RARRES1: variants seen among roughly 807,000 people sequenced by gnomAD.
The protein encoded by RARRES1 is retinoic acid receptor responder protein 1.
RARRES1 carries 34 observed loss-of-function variants against 30.6 expected under a neutral mutation model. That is an observed-to-expected ratio of 1.11 (90% CI 0.84 to 1.48). The LOEUF (loss-of-function observed/expected upper bound fraction) is 1.48. Among genes scored for constraint, RARRES1 ranks in the 40% most tolerant of loss-of-function variants. The pLI, the probability that RARRES1 is intolerant of heterozygous loss-of-function variation, is 0.00. For missense variants in RARRES1, 373 were observed against 386.5 expected, an observed-to-expected ratio of 0.97 and a Z score of 0.29; for synonymous variants, 153 against 155.5, an observed-to-expected ratio of 0.98 and a Z score of 0.12.
At chr3:158,698,074 C>T in intron 4 of RARRES1, 104 bp from the exon 5 acceptor site, 1 of 783,862 alleles carries the variant, frequency 1.3e-6, no homozygotes, top group Non-Finnish European at 2.0e-6. Flanking sequence ...TCTCCTACTG[C>T]CTTTTCGATT....
intron 3 of RARRES1, chr3:158,705,651 C>T (rs968629081): frequency 1.3e-5 from 2 of 152,206 alleles, no homozygotes; most frequent in African/African-American, 2.4e-5. Context: ...TGATATTCTT[C>T]ACCTTACCTT....
In RARRES1 at chr3:158,732,131, C is replaced by G; in HGVS notation, c.276+9G>C. The G allele has an allele frequency of 3.7e-6, 5 of 1,345,936 alleles. No homozygotes were observed. Among genetic ancestry groups the G allele is most frequent in the Non-Finnish European group, 4.7e-6 (5 of 1,056,356 alleles). 83.4% of individuals were successfully genotyped at this position (1,345,936 alleles called of 1,614,324 possible). A position where few individuals can be genotyped will look rare whatever the true frequency, so the allele number is the denominator to read the frequency against. ...AGGCGCGTGCCCCGGCGCGTCGCTC[C>G]GCACTCACCCACGCGCGGCCCTCCT... On this transcript the variant is annotated intron_variant, in intron 1 of 5. Transcript: ENST00000237696.
intron 1 of RARRES1, among the ~76,000 whole-genome samples, chr3:158,715,697 CT>C (rs1220798810): frequency 6.6e-6 from 1 of 152,184 alleles, no homozygotes; most frequent in Non-Finnish European, 1.5e-5. Flanking sequence ...ACACAAGAGA[CT>C]GACCCAAGTT....
chr3:158,710,154 C>A (rs1485571045), intron 3 of RARRES1, among the ~76,000 whole-genome samples: 1 of 152,076 alleles, frequency 6.6e-6, no homozygotes. Flanking sequence ...GTACCTCTTA[C>A]CTGGGGGTTC....
At chr3:158,729,386 CTTATT>C (rs900557278) in intron 1 of RARRES1, among the ~76,000 whole-genome samples, 11 of 151,794 alleles carry the variant, frequency 7.2e-5, no homozygotes, top group Non-Finnish European at 1.5e-4. Flanking sequence ...TGTCAAATAT[CTTATT>C]TTATTTTCAA....
rs749844083 is a variant in RARRES1 at position 158,732,281 on chromosome 3, G to A, written c.135C>T (p.Asp45=). The part of the protein sequence containing the change: ...AAPAGSGDPD[D]PGQPQDAGVP... Reference sequence around the variant, plus strand: ...CCCCAGCATCCTGAGGCTGCCCAGGGTCGTCGGGGTCCCCGGACCCCGCGG... The same window carrying A: ...CCCCAGCATCCTGAGGCTGCCCAGGATCGTCGGGGTCCCCGGACCCCGCGG... Residue 45 remains aspartate (D), a synonymous_variant, in exon 1 of 6, where the codon GAC becomes GAT. Transcript: ENST00000237696. 1.3e-4 allele frequency: 173 copies of A among 1,351,338 alleles called. 5 individuals carry two copies. In the South Asian group the frequency reaches 3.1e-3, roughly 24 times the overall value. The allele number at this position is 1,351,338 out of a possible 1,614,324, so 83.7% of individuals were successfully genotyped here. A position where few individuals can be genotyped will look rare whatever the true frequency, so the allele number is the denominator to read the frequency against.
At chr3:158,728,870 C>T (rs1203364887) in intron 1 of RARRES1, among the ~76,000 whole-genome samples, 1 of 152,132 alleles carries the variant, frequency 6.6e-6, no homozygotes, top group East Asian at 1.9e-4. Context: ...ATAATGGAGG[C>T]AGGAATTTCT....
intron 3 of RARRES1, among the ~76,000 whole-genome samples, chr3:158,705,475 T>C (rs1327833912): frequency 1.3e-5 from 2 of 152,188 alleles, no homozygotes; most frequent in Non-Finnish European, 2.9e-5. Context: ...GGGTCTTGCT[T>C]TATTGCCCAG....
At chr3:158,724,022 G>A (rs1727596469) in intron 1 of RARRES1, among the ~76,000 whole-genome samples, 1 of 152,208 alleles carries the variant, frequency 6.6e-6, no homozygotes, top group African/African-American at 2.4e-5. Flanking sequence ...GGATAGGCAA[G>A]CACATGGGCA....
intron 1 of RARRES1, among the ~76,000 whole-genome samples, chr3:158,722,117 A>G (rs954862124): frequency 3.3e-5 from 5 of 150,174 alleles, no homozygotes; most frequent in South Asian, 2.1e-4. Flanking sequence ...GAGTATCCAG[A>G]AGGAACACGA....
intron 1 of RARRES1, among the ~76,000 whole-genome samples, chr3:158,716,147 G>A (rs565868615): frequency 1.3e-4 from 20 of 152,332 alleles, no homozygotes; most frequent in African/African-American, 4.8e-4. Context: ...AGGGGTGGGT[G>A]CGGAGGCCAT....
chr3:158,727,650 G>T (rs888962005), intron 1 of RARRES1, among the ~76,000 whole-genome samples: 8 of 152,204 alleles, frequency 5.3e-5, no homozygotes, highest in Admixed American at 5.2e-4. Flanking sequence ...ACCCTGGGAA[G>T]CATAAGATCG....
rs902742913 is a variant in RARRES1, at chr3:158,704,557, A to G, written c.672+234T>C. ...ATTTATTAGCTCACTGTCTCTTTTT[A>G]TCTTCTCTCACTAGAATTAATCTCA... On this transcript the variant is annotated intron_variant, in intron 4 of 5. Coordinates refer to ENST00000237696, the MANE Select transcript of RARRES1 (RefSeq NM_206963.2). The G allele has an allele frequency of 8.1e-6, 4 of 496,132 alleles. No homozygotes were observed. In the East Asian group the frequency reaches 1.4e-4, roughly 18 times the overall value. 30.7% of individuals were successfully genotyped at this position (496,132 alleles called of 1,614,324 possible).
intron 3 of RARRES1, among the ~76,000 whole-genome samples, chr3:158,705,972 C>T (rs1276861103): frequency 6.6e-6 from 1 of 152,198 alleles, no homozygotes; most frequent in African/African-American, 2.4e-5. Context: ...TATGAGGTGA[C>T]TGTTCATGAA....
rs572147421 is a variant in RARRES1 at position 158,730,788 on chromosome 3, T to C, written c.276+1352A>G. On this transcript the variant is annotated intron_variant, in intron 1 of 5. Transcript: ENST00000237696. ...TTCTTTATTATTTTATTTTATTTTA[T>C]TTATTTTATTTTGAGAGGGAGTTTT... Among the ~76,000 whole-genome samples the C allele has an allele frequency of 4.0e-5, 6 of 150,662 alleles. No homozygotes were observed. The South Asian group carries it at 1.3e-3, about 32-fold the overall frequency.
chr3:158,714,687 T>G (rs544148306), intron 1 of RARRES1, among the ~76,000 whole-genome samples: 107 of 152,254 alleles, frequency 7.0e-4, no homozygotes, highest in Non-Finnish European at 1.4e-3. Context: ...TTAAACTGTT[T>G]AGAAGAAGTT....
chr3:158,727,665 G>C (rs1727734824), intron 1 of RARRES1, among the ~76,000 whole-genome samples: 1 of 152,266 alleles, frequency 6.6e-6, no homozygotes, highest in South Asian at 2.1e-4. Context: ...AGATCGCTCA[G>C]CACCATCCAA....
intron 1 of RARRES1, among the ~76,000 whole-genome samples, chr3:158,721,909 TG>T (rs1399685472): frequency 2.0e-5 from 3 of 151,940 alleles, no homozygotes; most frequent in Admixed American, 2.0e-4. Context: ...CTGACCAACA[TG>T]GAGAAACCCC....
intron 1 of RARRES1, among the ~76,000 whole-genome samples, chr3:158,720,266 A>ATGTGTATG (rs1727468872): frequency 8.0e-6 from 1 of 124,756 alleles, no homozygotes; most frequent in Non-Finnish European, 1.7e-5. Flanking sequence ...GTGTGTGTGT[A>ATGTGTATG]TGTGTGTGAG....
Sources: gnomAD v4.1 joint callset for allele counts (sites outside exome capture counted in the v4.1 genomes callset) on GRCh38, gnomAD v4.1.1 for gene constraint, MANE v1.5 for transcripts, NCBI Gene and HGNC (gene_info 2026-07-23, HGNC 2026-07-21) for gene names.